LRRC28: variants seen among roughly 807,000 people sequenced by gnomAD.
The protein encoded by LRRC28 is leucine-rich repeat-containing protein 28.
In LRRC28, 39 loss-of-function variants were observed where a neutral mutation model predicts 45.7. The observed-to-expected ratio is 0.85, with a 90% CI of 0.66 to 1.12. LRRC28 has a LOEUF of 1.12. LRRC28 is among the 50% of genes most tolerant of loss of function. LRRC28 has a pLI of 0.00. For missense variants in LRRC28, 435 were observed against 438.5 expected (o/e 0.99, Z 0.07); for synonymous variants, 206 against 178.8 (o/e 1.15, Z -1.22).
chr15:99,345,295 C>G lies in LRRC28; in HGVS notation c.593-7074C>G, dbSNP rs528193653. 5.9e-5 allele frequency among the ~76,000 whole-genome samples: 9 copies of G among 152,072 alleles called. No individual in the cohort carries two copies. In the East Asian group the frequency reaches 1.7e-3, roughly 29 times the overall value. On this transcript the variant is annotated intron_variant, in intron 6 of 9. Transcript: ENST00000301981. ...AGAGTATTTTCTGCTTTCTGTGAGC[C>G]CCCTAGGGGCTCTGAAAGACAAATC...
intron 5 of LRRC28, among the ~76,000 whole-genome samples, chr15:99,325,765 TG>T (rs35140131): frequency 0.011 from 1,688 of 152,264 alleles, 15 homozygotes; most frequent in South Asian, 0.02. Context: ...GACCCACTTG[TG>T]GGGAAGAGAG....
intron 2 of LRRC28, among the ~76,000 whole-genome samples, chr15:99,266,501 A>C (rs1161790442): frequency 6.6e-6 from 1 of 152,120 alleles, no homozygotes; most frequent in South Asian, 2.1e-4. Flanking sequence ...CCTAGTGTTA[A>C]GGATAATTAA....
intron 6 of LRRC28, among the ~76,000 whole-genome samples, chr15:99,346,720 A>G (rs1956694795): frequency 6.6e-6 from 1 of 152,184 alleles, no homozygotes; most frequent in Non-Finnish European, 1.5e-5. Flanking sequence ...AATTCATTGT[A>G]AATTTACTTC....
intron 7 of LRRC28, among the ~76,000 whole-genome samples, chr15:99,359,329 A>G (rs1028396232): frequency 1.3e-5 from 2 of 152,230 alleles, no homozygotes; most frequent in African/African-American, 2.4e-5. Flanking sequence ...GTTATTGCCA[A>G]TATGGAAGTT....
In LRRC28 at chr15:99,387,177, C is replaced by G. The variant is rs1221616142; in HGVS notation, c.*1075C>G. On this transcript the variant is annotated 3_prime_UTR_variant, in exon 10 of 10. Coordinates refer to ENST00000301981, the MANE Select transcript of LRRC28 (RefSeq NM_144598.5). ...CCGGGTTCACGCCATTCTCCTGCCT[C>G]AGCCTCCCAAGTAGCTGGGACCACA... 6.8e-6 allele frequency: 1 copy of G among 147,014 alleles called. No homozygotes were observed. The highest frequency in any genetic ancestry group is 2.5e-5 in the African/African-American group (1 of 39,816). 9.1% of individuals were successfully genotyped at this position (147,014 alleles called of 1,614,324 possible).
In LRRC28 at chr15:99,310,298, A is replaced by G. The variant is rs543288673; in HGVS notation, c.385+22347A>G. Reference sequence around the variant, plus strand: ...AGGTGGGAGAGTTTTTCTACATGGAATAATTATAGTTAATACATATAGAAG... The same window carrying G: ...AGGTGGGAGAGTTTTTCTACATGGAGTAATTATAGTTAATACATATAGAAG... On this transcript the variant is annotated intron_variant, in intron 5 of 9. Transcript: ENST00000301981. Among the ~76,000 whole-genome samples the G allele has an allele frequency of 5.3e-5, 8 of 152,346 alleles. No homozygotes were observed. The South Asian group carries it at 8.3e-4, about 16-fold the overall frequency.
intron 2 of LRRC28, among the ~76,000 whole-genome samples, chr15:99,264,026 AAG>A (rs1317454391): frequency 6.6e-6 from 1 of 152,236 alleles, no homozygotes; most frequent in Non-Finnish European, 1.5e-5. Flanking sequence ...CAGGGCCACA[AAG>A]AAAATGAACA....
intron 5 of LRRC28, among the ~76,000 whole-genome samples, chr15:99,305,977 T>C (rs1265762972): frequency 1.3e-5 from 2 of 152,276 alleles, no homozygotes; most frequent in East Asian, 1.9e-4. Context: ...GTAGTTCATT[T>C]ATTTTTAACA....
At chr15:99,365,788 AAATTT>A (rs1424146740) in intron 9 of LRRC28, among the ~76,000 whole-genome samples, 1 of 152,250 alleles carries the variant, frequency 6.6e-6, no homozygotes, top group Non-Finnish European at 1.5e-5. Context: ...GTTTCAACCT[AAATTT>A]AATACAGAGT....
rs1451029636 is a variant in LRRC28, at chr15:99,389,088, AG to A, written c.*2988del. On this transcript the variant is annotated 3_prime_UTR_variant, in exon 10 of 10. Transcript: ENST00000301981. The stretch of plus-strand genomic sequence containing the variant: ...TTCAAAAGAACCCTGGCTTGGGTGG[AG>A]GATCCACTCTGGCTAACGGATAAGA... 1.3e-5 allele frequency: 2 copies of A among 152,216 alleles called. No individual in the cohort carries two copies. The highest frequency in any genetic ancestry group is 4.8e-5 in the African/African-American group (2 of 41,460). 9.4% of individuals were successfully genotyped at this position (152,216 alleles called of 1,614,324 possible).
intron 2 of LRRC28, among the ~76,000 whole-genome samples, chr15:99,260,734 C>A (rs2081172763): frequency 6.6e-6 from 1 of 152,172 alleles, no homozygotes; most frequent in South Asian, 2.1e-4. Flanking sequence ...AATATAGTTC[C>A]TAAAGGAGAG....
At chr15:99,281,397 G>A (rs577051609) in intron 3 of LRRC28, among the ~76,000 whole-genome samples, 31 of 151,898 alleles carry the variant, frequency 2.0e-4, no homozygotes, top group Non-Finnish European at 4.0e-4. Flanking sequence ...GATTATGGGA[G>A]TGAGCCACTG....
Position 99,386,146 on chromosome 15 carries a change from G to A in LRRC28, c.*44G>A. 1 of 1,484,328 alleles carries A rather than the reference G, an allele frequency of 6.7e-7. No individual in the cohort carries two copies. Among genetic ancestry groups the A allele is most frequent in the South Asian group, 1.1e-5 (1 of 88,468 alleles). The allele number at this position is 1,484,328 out of a possible 1,614,324, so 91.9% of individuals were successfully genotyped here. On this transcript the variant is annotated 3_prime_UTR_variant, in exon 10 of 10. Coordinates refer to ENST00000301981, the MANE Select transcript of LRRC28 (RefSeq NM_144598.5). ...AGGAGCGCTGCCAGCTTGACACTGG[G>A]GAATCCAGCCAGTCCAGCACACTCT... is the stretch of plus-strand genomic sequence containing the variant.
intron 5 of LRRC28, among the ~76,000 whole-genome samples, chr15:99,290,321 T>C (rs2082088515): frequency 6.6e-6 from 1 of 151,970 alleles, no homozygotes; most frequent in Non-Finnish European, 1.5e-5. Context: ...TTAAAAAATA[T>C]TTTTTTATTC....
chr15:99,345,530 T>C (rs1956652448), intron 6 of LRRC28, among the ~76,000 whole-genome samples: 1 of 152,180 alleles, frequency 6.6e-6, no homozygotes, highest in Non-Finnish European at 1.5e-5. Flanking sequence ...TTTTCTTCTA[T>C]TGAGTTGTAA....
chr15:99,253,308 A>T (rs913109088), intron 1 of LRRC28, among the ~76,000 whole-genome samples: 2 of 152,094 alleles, frequency 1.3e-5, no homozygotes, highest in Non-Finnish European at 2.9e-5. Context: ...TTTAGTAGAG[A>T]TGGGGTTTCG....
At chr15:99,267,219 G>A (rs957770422) in intron 2 of LRRC28, among the ~76,000 whole-genome samples, 8 of 152,164 alleles carry the variant, frequency 5.3e-5, no homozygotes, top group African/African-American at 1.9e-4. Context: ...GTGGTTAGGT[G>A]AGGGTGAGAG....
chr15:99,299,591 A>G (rs1293350147), intron 5 of LRRC28, among the ~76,000 whole-genome samples: 2 of 152,226 alleles, frequency 1.3e-5, no homozygotes, highest in African/African-American at 2.4e-5. Context: ...TTCAATTTAA[A>G]TCAGATTTCT....
intron 2 of LRRC28, among the ~76,000 whole-genome samples, chr15:99,270,354 C>A (rs1236287246): frequency 6.6e-6 from 1 of 152,288 alleles, no homozygotes; most frequent in African/African-American, 2.4e-5. Context: ...GCAGCCACCT[C>A]TGTCTAGTTC....
Sources: allele counts gnomAD v4.1 joint callset (sites outside exome capture counted in the v4.1 genomes callset), GRCh38; gene constraint gnomAD v4.1.1; transcripts MANE v1.5; gene names NCBI Gene and HGNC (gene_info 2026-07-23, HGNC 2026-07-21).